ACSL4: variants seen among roughly 807,000 people sequenced by gnomAD.
ACSL4 encodes the protein acyl-CoA synthetase long chain family member 4, also known as long-chain-fatty-acid--CoA ligase 4.
Under a neutral mutation model 49.1 loss-of-function variants are expected in ACSL4, and 9 were observed. The ratio of observed to expected loss-of-function variants is 0.18; its 90% CI spans 0.11 to 0.32. The LOEUF is 0.32. Among genes scored for constraint, ACSL4 ranks in the 10% least tolerant of loss-of-function variants. The pLI, the probability that ACSL4 is intolerant of heterozygous loss-of-function variation, is 1.00. For synonymous variants in ACSL4, 191 were observed against 170.3 expected (o/e 1.12, Z -0.95); for missense variants, 333 against 493.7 (o/e 0.67, Z 3.08).
At chrX:109,666,212 A>C (rs1033145448) in intron 11 of ACSL4, among the ~76,000 whole-genome samples, 2 of 112,618 alleles carry the variant, frequency 1.8e-5, no homozygotes, top group African/African-American at 6.5e-5. Flanking sequence ...GAAGGTAAGC[A>C]CAATAGTAGC....
intron 14 of ACSL4, among the ~76,000 whole-genome samples, 193 bp downstream of exon 14, chrX:109,661,338 T>C (rs1259230132): frequency 8.9e-6 from 1 of 111,843 alleles, no homozygotes; most frequent in African/African-American, 3.2e-5. Context: ...GTCCAATAAA[T>C]AGTTAACACG....
At chrX:109,701,106 A>C (rs1195928229) in intron 1 of ACSL4, among the ~76,000 whole-genome samples, 1 of 112,550 alleles carries the variant, frequency 8.9e-6, no homozygotes, top group East Asian at 2.7e-4. Flanking sequence ...TACAAAATAT[A>C]TTAAATGAAG....
intron 1 of ACSL4, among the ~76,000 whole-genome samples, chrX:109,714,323 C>G (rs1325567706): frequency 1.8e-5 from 2 of 111,440 alleles, no homozygotes; most frequent in Non-Finnish European, 3.8e-5. Context: ...TTGTTTTAAG[C>G]TAAATGTTAT....
intron 2 of ACSL4, among the ~76,000 whole-genome samples, chrX:109,686,776 GCACACACACACACA>G (rs35736807): frequency 6.1e-5 from 6 of 98,912 alleles, no homozygotes; most frequent in Admixed American, 2.2e-4. Context: ...ACACACGCAT[GCACACACACACACA>G]CACACACACA....
At chrX:109,678,520 A>C in intron 6 of ACSL4, 105 bp from the exon 7 acceptor site, 1 of 1,003,406 alleles carries the variant, frequency 1.0e-6, no homozygotes, top group Non-Finnish European at 1.4e-6. Flanking sequence ...CTATCAATAG[A>C]CAGTATTTGC....
chrX:109,650,591 G>A (rs1235586444), intron 15 of ACSL4, among the ~76,000 whole-genome samples: 6 of 109,312 alleles, frequency 5.5e-5, no homozygotes, highest in East Asian at 2.9e-4. Context: ...TGACAAGTTA[G>A]TGGGTGCAGC....
rs760480845 is a variant in ACSL4, at chrX:109,644,019, C to T, written c.*10G>A. 8.3e-7 allele frequency: 1 copy of T among 1,210,999 alleles called. No individual in the cohort carries two copies. ...ACCTCCTGCACAACTGTCAATAAGA[C>T]AACAACATTTTATTTGCCCCCATAC... is the stretch of plus-strand genomic sequence containing the variant. On this transcript the variant is annotated 3_prime_UTR_variant, in exon 16 of 16. Coordinates refer to ENST00000672401, the MANE Select transcript of ACSL4 (RefSeq NM_001318510.2).
intron 1 of ACSL4, among the ~76,000 whole-genome samples, chrX:109,706,328 G>A (rs1926352860): frequency 8.9e-6 from 1 of 112,012 alleles, no homozygotes; most frequent in Non-Finnish European, 1.9e-5. Flanking sequence ...TTTCTAATCA[G>A]TTATAATTAC....
chrX:109,693,853 G>A (rs1925223577), intron 2 of ACSL4, among the ~76,000 whole-genome samples: 1 of 111,299 alleles, frequency 9.0e-6, no homozygotes, highest in African/African-American at 3.3e-5. Flanking sequence ...TCTTCACCTT[G>A]GTAGTTTTTT....
At chrX:109,728,767 AG>A (rs1928200181) in intron 1 of ACSL4, among the ~76,000 whole-genome samples, 1 of 112,469 alleles carries the variant, frequency 8.9e-6, no homozygotes, top group East Asian at 2.8e-4. Context: ...TGACACCAAA[AG>A]CACAGTCCAT....
intron 15 of ACSL4, among the ~76,000 whole-genome samples, chrX:109,656,999 C>CT (rs1921715098): frequency 9.0e-6 from 1 of 111,256 alleles, no homozygotes; most frequent in East Asian, 2.8e-4. Context: ...ACACACATCT[C>CT]TTTCTTCATC....
At chrX:109,705,435 T>G (rs1926279277) in intron 1 of ACSL4, among the ~76,000 whole-genome samples, 1 of 112,233 alleles carries the variant, frequency 8.9e-6, no homozygotes, top group Non-Finnish European at 1.9e-5. Context: ...AGACAAACAT[T>G]GCCTGGTTTG....
At chrX:109,703,978 G>T (rs1014617870) in intron 1 of ACSL4, among the ~76,000 whole-genome samples, 6 of 110,937 alleles carry the variant, frequency 5.4e-5, no homozygotes, top group South Asian at 3.8e-4. Flanking sequence ...ATATTGTGGG[G>T]TTTTTTTGTT....
intron 1 of ACSL4, among the ~76,000 whole-genome samples, chrX:109,717,183 G>A (rs1401080946): frequency 5.4e-5 from 6 of 110,995 alleles, no homozygotes; most frequent in Non-Finnish European, 1.1e-4. Flanking sequence ...CTATGTGACC[G>A]CGTCTTACAA....
Position 109,644,188 on chromosome X carries a change from T to C in ACSL4, c.1856-2A>G. 8.3e-7 allele frequency: 1 copy of C among 1,199,907 alleles called. No homozygotes were observed. The highest frequency in any genetic ancestry group is 1.1e-6 in the Non-Finnish European group (1 of 888,782). On this transcript the variant is annotated splice_acceptor_variant, in intron 15 of 15. Coordinates refer to ENST00000672401, the MANE Select transcript of ACSL4 (RefSeq NM_001318510.2). LOFTEE classifies it high-confidence loss of function. ...GAATTTCAAATCGCTCCAATTTCAC[T>C]GAAATTAGAAGTGAAAGATGGGAGA...
At chrX:109,676,247 A>C (rs1923670302) in intron 8 of ACSL4, among the ~76,000 whole-genome samples, 1 of 109,405 alleles carries the variant, frequency 9.1e-6, no homozygotes, top group Non-Finnish European at 1.9e-5. Context: ...TTTAAGTCAT[A>C]TATCAAAAAA....
At chrX:109,667,104 A>G (rs1922715775) in intron 11 of ACSL4, among the ~76,000 whole-genome samples, 2 of 112,770 alleles carry the variant, frequency 1.8e-5, no homozygotes, top group South Asian at 7.2e-4. Flanking sequence ...CCATTGACAC[A>G]AACAAATAAT....
At chrX:109,664,498 C>T (rs1237739143) in intron 12 of ACSL4, among the ~76,000 whole-genome samples, 2 of 111,688 alleles carry the variant, frequency 1.8e-5, no homozygotes, top group Non-Finnish European at 3.8e-5. Flanking sequence ...GACTAAGTCC[C>T]AAGGTGTAAA....
chrX:109,703,978 G>GT (rs1206379189), intron 1 of ACSL4, among the ~76,000 whole-genome samples: 4 of 110,894 alleles, frequency 3.6e-5, no homozygotes, highest in Non-Finnish European at 7.5e-5. Context: ...ATATTGTGGG[G>GT]TTTTTTTGTT....
Sources: allele counts gnomAD v4.1 joint callset (sites outside exome capture counted in the v4.1 genomes callset), GRCh38; gene constraint gnomAD v4.1.1; transcripts MANE v1.5; gene names NCBI Gene and HGNC (gene_info 2026-07-23, HGNC 2026-07-21).